Variants in CDH13 observed in about 807,000 individuals in gnomAD.
CDH13 encodes cadherin-13.
A neutral mutation model predicts 63.8 loss-of-function variants in CDH13; 24 were observed. The ratio of observed to expected loss-of-function variants is 0.38; its 90% CI spans 0.27 to 0.53. The LOEUF is 0.53. Among genes scored for constraint, CDH13 ranks in the 20% least tolerant of loss-of-function variants. The pLI, the probability that CDH13 is intolerant of heterozygous loss-of-function variation, is 0.85. For synonymous variants in CDH13, 503 were observed against 355.3 expected, an observed-to-expected ratio of 1.42 and a Z score of -4.67; for missense variants, 1,049 against 903.1, an observed-to-expected ratio of 1.16 and a Z score of -2.07.
At chr16:83,719,855 G>T (rs1010742304) in intron 10 of CDH13, among the ~76,000 whole-genome samples, 1 of 152,090 alleles carries the variant, frequency 6.6e-6, no homozygotes, top group African/African-American at 2.4e-5. Flanking sequence ...CTCACTGTGG[G>T]GCAGAATTTC....
intron 4 of CDH13, among the ~76,000 whole-genome samples, chr16:83,159,333 A>T (rs947796263): frequency 1.6e-4 from 24 of 152,180 alleles, no homozygotes; most frequent in Non-Finnish European, 7.3e-5. Context: ...GATTATTACA[A>T]AGCCTGCATT....
At chr16:82,974,481 C>T (rs1909217459) in intron 2 of CDH13, among the ~76,000 whole-genome samples, 1 of 152,118 alleles carries the variant, frequency 6.6e-6, no homozygotes, top group Non-Finnish European at 1.5e-5. Context: ...ATTTCTGGAT[C>T]ACAGGTATGA....
At chr16:83,540,061 A>G (rs972959465) in intron 7 of CDH13, among the ~76,000 whole-genome samples, 8 of 146,094 alleles carry the variant, frequency 5.5e-5, no homozygotes, top group African/African-American at 2.0e-4. Context: ...GTTATTGTCA[A>G]TAAATTTTTT....
At chr16:83,321,758 G>GACCTC (rs968910329) in intron 5 of CDH13, among the ~76,000 whole-genome samples, 70 of 152,242 alleles carry the variant, frequency 4.6e-4, no homozygotes, top group African/African-American at 1.6e-3. Context: ...TCGATCTCCT[G>GACCTC]ACCTCGTAAT....
At chr16:83,292,394 C>A (rs2089486149) in intron 5 of CDH13, among the ~76,000 whole-genome samples, 1 of 152,144 alleles carries the variant, frequency 6.6e-6, no homozygotes, top group African/African-American at 2.4e-5. Flanking sequence ...ACTTTTGGGG[C>A]CTGATGGCTT....
intron 1 of CDH13, among the ~76,000 whole-genome samples, chr16:82,801,735 A>C (rs752353277): frequency 6.6e-6 from 1 of 152,364 alleles, no homozygotes; most frequent in East Asian, 1.9e-4. Flanking sequence ...TGTTACTTCA[A>C]TACTTTTACC....
chr16:82,708,190 A>C (rs140126597), intron 1 of CDH13, among the ~76,000 whole-genome samples: 8 of 152,092 alleles, frequency 5.3e-5, no homozygotes, highest in African/African-American at 1.9e-4. Context: ...TTCGCATCCC[A>C]TTTGCTCAAA....
chr16:82,757,404 C>G (rs2034651613), intron 1 of CDH13, among the ~76,000 whole-genome samples: 1 of 152,184 alleles, frequency 6.6e-6, no homozygotes, highest in Non-Finnish European at 1.5e-5. Context: ...GAATGCTTTA[C>G]CTGGGTATAG....
At chr16:83,341,989 CCACACACACACACACACACACACACA>C (rs756844839) in intron 5 of CDH13, among the ~76,000 whole-genome samples, 2 of 138,070 alleles carry the variant, frequency 1.4e-5, no homozygotes, top group Non-Finnish European at 3.1e-5. Context: ...GTGTCCCCTG[CCACACACACACACACACACACACACA>C]CACACACACA....
intron 1 of CDH13, among the ~76,000 whole-genome samples, chr16:82,673,585 A>G (rs983876919): frequency 6.6e-6 from 1 of 152,236 alleles, no homozygotes; most frequent in African/African-American, 2.4e-5. Flanking sequence ...GAGCCATGAA[A>G]GTCATGAAAG....
chr16:83,229,126 C>G (rs1567523114), intron 5 of CDH13, among the ~76,000 whole-genome samples: 1 of 152,170 alleles, frequency 6.6e-6, no homozygotes, highest in Non-Finnish European at 1.5e-5. Flanking sequence ...CTAAGGAAGC[C>G]TCAGCCTCAG....
chr16:82,731,659 G>C (rs540166651), intron 1 of CDH13, among the ~76,000 whole-genome samples: 31 of 152,292 alleles, frequency 2.0e-4, no homozygotes, highest in Middle Eastern at 6.8e-3. Context: ...TTGCTCATCA[G>C]TTCTAACTGT....
chr16:83,049,251 G>A (rs1369131265), intron 3 of CDH13, among the ~76,000 whole-genome samples: 1 of 150,980 alleles, frequency 6.6e-6, no homozygotes. Flanking sequence ...CCCAGCTCCT[G>A]GCTTTATGTA....
At chr16:82,755,925 C>T (rs901202875) in intron 1 of CDH13, among the ~76,000 whole-genome samples, 1 of 152,086 alleles carries the variant, frequency 6.6e-6, no homozygotes, top group Non-Finnish European at 1.5e-5. Context: ...ATTTGGAGCT[C>T]AGAGAGGGGC....
In CDH13 at chr16:83,670,770, A is replaced by T. The variant is rs1598445344; in HGVS notation, c.1102-20A>T. ...ATGTGTTTTCAAAATAGTGACCATT[A>T]CCATCTGCTTTGTTTGCAGTTTCAA... On this transcript the variant is annotated intron_variant, in intron 8 of 13. Transcript: ENST00000567109. 1.9e-6 allele frequency: 3 copies of T among 1,612,772 alleles called. No homozygotes were observed. Among genetic ancestry groups the T allele is most frequent in the African/African-American group, 2.7e-5 (2 of 75,016 alleles).
intron 1 of CDH13, among the ~76,000 whole-genome samples, chr16:82,694,742 T>C (rs2030049920): frequency 6.6e-6 from 1 of 152,200 alleles, no homozygotes; most frequent in Admixed American, 6.5e-5. Context: ...CAATCACTCA[T>C]TCAAAAAATA....
rs535294280 is a variant in CDH13 at position 83,043,184 on chromosome 16, C to T, written c.366+10966C>T. Among the ~76,000 whole-genome samples, 10 of 152,198 alleles carry T rather than the reference C, an allele frequency of 6.6e-5. No individual in the cohort carries two copies. The South Asian group carries it at 2.1e-3, about 32-fold the overall frequency. ...TATTCATATATAGATAAAAAGACAT[C>T]CTTCAATTCATTAATTTAAATAGAT... On this transcript the variant is annotated intron_variant, in intron 3 of 13. Coordinates refer to ENST00000567109, the MANE Select transcript of CDH13 (RefSeq NM_001257.5).
intron 1 of CDH13, among the ~76,000 whole-genome samples, chr16:82,738,913 CTT>C (rs1412755073): frequency 6.6e-6 from 1 of 152,212 alleles, no homozygotes; most frequent in African/African-American, 2.4e-5. Context: ...GTCTTACTAA[CTT>C]TTGTGTTCCC....
intron 2 of CDH13, among the ~76,000 whole-genome samples, chr16:82,921,748 AAT>A (rs1031865261): frequency 3.3e-5 from 5 of 152,132 alleles, no homozygotes; most frequent in African/African-American, 1.2e-4. Flanking sequence ...GTAATAATGT[AAT>A]AGTGGCCTCA....
Sources: allele counts gnomAD v4.1 joint callset (sites outside exome capture counted in the v4.1 genomes callset), GRCh38; gene constraint gnomAD v4.1.1; transcripts MANE v1.5; gene names NCBI Gene and HGNC (gene_info 2026-07-23, HGNC 2026-07-21).